The following ROCK2 variants were observed in gnomAD, a reference collection of about 807,000 sequenced individuals.
ROCK2 encodes rho-associated protein kinase 2.
A neutral mutation model predicts 195.1 loss-of-function variants in ROCK2; 61 were observed. The ratio of observed to expected loss-of-function variants is 0.31; its 90% CI spans 0.25 to 0.39. The LOEUF is 0.39. ROCK2 is among the 10% of genes least tolerant of loss of function. The probability of loss-of-function intolerance (pLI) is 1.00; values close to 1 mark genes in which losing one functional copy is unlikely to be tolerated. For missense variants in ROCK2, 1,109 were observed against 1,637.4 expected (o/e 0.68, Z 5.57); for synonymous variants, 504 against 545.5 (o/e 0.92, Z 1.06).
At chr2:11,263,433 G>C (rs1666302658) in intron 3 of ROCK2, among the ~76,000 whole-genome samples, 2 of 151,926 alleles carry the variant, frequency 1.3e-5, no homozygotes, top group South Asian at 4.2e-4. Context: ...TACAGTAAGG[G>C]TTCTCCTTTT....
intron 3 of ROCK2, among the ~76,000 whole-genome samples, chr2:11,285,225 GCA>G (rs1185823928): frequency 1.4e-5 from 2 of 145,744 alleles, no homozygotes. Context: ...TCGCGCCATT[GCA>G]CTCCAGCCTG....
upstream of ROCK2, among the ~76,000 whole-genome samples, chr2:11,345,047 C>G (rs1669258722): frequency 6.6e-6 from 1 of 151,872 alleles, no homozygotes. Context: ...GCCGCGGCCC[C>G]CGCTGACTCA....
At chr2:11,311,010 T>C (rs1276772684) in intron 1 of ROCK2, among the ~76,000 whole-genome samples, 6 of 151,704 alleles carry the variant, frequency 4.0e-5, no homozygotes, top group South Asian at 2.1e-4. Flanking sequence ...ACCAGTAATA[T>C]AGATGACATT....
chr2:11,207,785 T>C lies in ROCK2; in HGVS notation c.2490A>G (p.Glu830=), dbSNP rs771940265. The C allele has an allele frequency of 6.2e-6, 10 of 1,611,464 alleles. No individual in the cohort carries two copies. In the East Asian group the frequency reaches 2.2e-4, roughly 36 times the overall value. ...LKMSEKQLKQ[E]NNHLMEMKMN... is the part of the protein sequence containing the mutation. ...TTTTCATTTCCATGAGATGGTTATT[T>C]TCTTGCTTTAACTGCTTTTCTGACA... is the stretch of plus-strand genomic sequence containing the variant. The change falls in exon 20 of 33, where the codon GAA becomes GAG. Residue 830 remains glutamate, a synonymous_variant. Coordinates refer to ENST00000315872, the MANE Select transcript of ROCK2 (RefSeq NM_004850.5).
intron 3 of ROCK2, among the ~76,000 whole-genome samples, chr2:11,263,961 G>T (rs1272249302): frequency 2.8e-5 from 4 of 140,468 alleles, no homozygotes; most frequent in Admixed American, 7.7e-5. Flanking sequence ...AAGGAGGTGG[G>T]GAAATAAAGA....
intron 3 of ROCK2, among the ~76,000 whole-genome samples, chr2:11,260,563 T>TA (rs200687066): frequency 0.023 from 3,553 of 152,096 alleles, 61 homozygotes; most frequent in East Asian, 0.052. Context: ...GAATGCTTCC[T>TA]AACTTCATTA....
chr2:11,331,904 C>T (rs768416967), intron 1 of ROCK2, among the ~76,000 whole-genome samples: 29 of 151,892 alleles, frequency 1.9e-4, no homozygotes, highest in Non-Finnish European at 3.1e-4. Context: ...CCAGCCCAGG[C>T]GACAGTGTGA....
chr2:11,248,708 CAAAAAAAAAAAAAA>C (rs70953372), intron 4 of ROCK2, among the ~76,000 whole-genome samples: 7 of 45,412 alleles, frequency 1.5e-4, no homozygotes, highest in African/African-American at 8.1e-4. Context: ...GACTTCATCT[CAAAAAAAAAAAAAA>C]AAAAAAAAAA....
At chr2:11,231,561 G>A (rs1393439299) in intron 5 of ROCK2, among the ~76,000 whole-genome samples, 1 of 152,132 alleles carries the variant, frequency 6.6e-6, no homozygotes, top group Non-Finnish European at 1.5e-5. Flanking sequence ...AGGAGGTAAA[G>A]GTTGCTATAA....
intron 10 of ROCK2, among the ~76,000 whole-genome samples, 173 bp downstream of exon 10, chr2:11,218,793 G>A (rs1398921810): frequency 1.3e-5 from 2 of 152,144 alleles, no homozygotes; most frequent in Non-Finnish European, 2.9e-5. Flanking sequence ...CTTGAATAAT[G>A]ATACTATTCA....
intron 1 of ROCK2, among the ~76,000 whole-genome samples, chr2:11,328,506 T>C (rs1668616451): frequency 6.6e-6 from 1 of 152,226 alleles, no homozygotes; most frequent in Non-Finnish European, 1.5e-5. Context: ...AATAGTCCTA[T>C]AAATTACTCA....
At chr2:11,324,397 C>T (rs1668486094) in intron 1 of ROCK2, among the ~76,000 whole-genome samples, 1 of 151,918 alleles carries the variant, frequency 6.6e-6, no homozygotes, top group Non-Finnish European at 1.5e-5. Flanking sequence ...TGCACTGCAG[C>T]GTGGCGACAG....
intron 3 of ROCK2, among the ~76,000 whole-genome samples, chr2:11,283,271 A>G (rs866772207): frequency 1.2e-3 from 182 of 151,502 alleles, no homozygotes; most frequent in Middle Eastern, 3.4e-3. Context: ...TCAAAAAAAA[A>G]AAAAAGAGGC....
chr2:11,226,464 CAA>C (rs1377368224), intron 6 of ROCK2, among the ~76,000 whole-genome samples: 1 of 152,014 alleles, frequency 6.6e-6, no homozygotes, highest in African/African-American at 2.4e-5. Flanking sequence ...GAATTACAAA[CAA>C]TATATATGCA....
At chr2:11,306,535 T>C (rs529689288) in intron 1 of ROCK2, among the ~76,000 whole-genome samples, 14 of 152,348 alleles carry the variant, frequency 9.2e-5, no homozygotes, top group African/African-American at 3.1e-4. Flanking sequence ...AAACCAGTGG[T>C]TGGCATGCCG....
intron 1 of ROCK2, among the ~76,000 whole-genome samples, chr2:11,321,156 A>T (rs1283005302): frequency 1.3e-5 from 2 of 152,074 alleles, no homozygotes; most frequent in Non-Finnish European, 2.9e-5. Context: ...CGGCATAACA[A>T]AGCAAGGCAC....
intron 20 of ROCK2, among the ~76,000 whole-genome samples, chr2:11,204,618 T>C (rs1447883786): frequency 1.3e-5 from 2 of 152,188 alleles, no homozygotes; most frequent in East Asian, 3.8e-4. Flanking sequence ...AAACCTTCCA[T>C]GACATTTCTT....
intron 3 of ROCK2, among the ~76,000 whole-genome samples, chr2:11,273,986 T>A (rs1282115350): frequency 7.1e-6 from 1 of 141,018 alleles, no homozygotes. Flanking sequence ...CACAAAAACA[T>A]GGAAATTAAA....
At chr2:11,191,364 C>T (rs528004565) in intron 32 of ROCK2, among the ~76,000 whole-genome samples, 131 of 152,296 alleles carry the variant, frequency 8.6e-4, no homozygotes, top group African/African-American at 2.9e-3. Context: ...CATCCCTGAC[C>T]TTACTCCATT....
Sources: allele counts gnomAD v4.1 joint callset (sites outside exome capture counted in the v4.1 genomes callset), GRCh38; gene constraint gnomAD v4.1.1; transcripts MANE v1.5; gene names NCBI Gene and HGNC (gene_info 2026-07-23, HGNC 2026-07-21).